ZNF618: variants seen among roughly 807,000 people sequenced by gnomAD.
The protein encoded by ZNF618 is zinc finger protein 618, also known as neural precursor cell expressed, developmentally down-regulated 10.
In ZNF618, 34 loss-of-function variants were observed where a neutral mutation model predicts 103.0. The ratio of observed to expected loss-of-function variants is 0.33; its 90% CI spans 0.25 to 0.44. ZNF618 has a LOEUF of 0.44. ZNF618 is among the 20% of genes least tolerant of loss of function. The pLI is 1.00. For missense variants in ZNF618, 1,059 were observed against 1,295.4 expected (o/e 0.82, Z 2.80); for synonymous variants, 551 against 542.2 (o/e 1.02, Z -0.23).
intron 1 of ZNF618, among the ~76,000 whole-genome samples, chr9:113,948,568 CAA>C (rs1835264829): frequency 6.6e-6 from 1 of 152,176 alleles, no homozygotes; most frequent in Non-Finnish European, 1.5e-5. Context: ...TGTTTTTAAT[CAA>C]AAGTTAGTGG....
chr9:113,994,190 G>A (rs923620621), intron 3 of ZNF618, among the ~76,000 whole-genome samples: 54 of 152,226 alleles, frequency 3.5e-4, no homozygotes, highest in African/African-American at 1.2e-3. Flanking sequence ...CAGCAGCCAG[G>A]CTATGGCGCT....
chr9:113,912,408 C>T (rs1218051985), intron 1 of ZNF618, among the ~76,000 whole-genome samples: 2 of 152,026 alleles, frequency 1.3e-5, no homozygotes, highest in Non-Finnish European at 2.9e-5. Context: ...TGGGTGGGGC[C>T]AGGGTAAGAG....
chr9:113,987,374 A>G (rs1231156606), intron 2 of ZNF618, among the ~76,000 whole-genome samples: 1 of 152,144 alleles, frequency 6.6e-6, no homozygotes, highest in African/African-American at 2.4e-5. Flanking sequence ...TGTCCCCCTC[A>G]TGAGGGACGT....
intron 11 of ZNF618, among the ~76,000 whole-genome samples, chr9:114,031,072 G>A (rs1287727754): frequency 1.1e-4 from 16 of 152,156 alleles, no homozygotes; most frequent in Admixed American, 1.0e-3. Context: ...TCCAACCCCA[G>A]TAACTTGACA....
At chr9:114,001,852 C>G in intron 4 of ZNF618, 144 bp from the exon 5 acceptor site, 1 of 733,782 alleles carries the variant, frequency 1.4e-6, no homozygotes, top group Admixed American at 2.0e-5. Context: ...CTCGTGACTT[C>G]TAGCTCGGTG....
At chr9:113,978,760 G>A (rs1432109172) in intron 2 of ZNF618, among the ~76,000 whole-genome samples, 3 of 152,192 alleles carry the variant, frequency 2.0e-5, no homozygotes, top group Non-Finnish European at 4.4e-5. Context: ...CTAGGAAGCA[G>A]GGAGACTGTG....
intron 1 of ZNF618, among the ~76,000 whole-genome samples, chr9:113,951,577 ATG>A (rs33967417): frequency 0.38 from 18,480 of 48,940 alleles, 5,650 homozygotes; most frequent in East Asian, 0.8. Flanking sequence ...GTGTGTGTAT[ATG>A]TGTGTGTGTG....
intron 1 of ZNF618, among the ~76,000 whole-genome samples, chr9:113,941,799 C>T (rs1187081119): frequency 6.6e-6 from 1 of 152,140 alleles, no homozygotes; most frequent in African/African-American, 2.4e-5. Flanking sequence ...TTAGTACTTG[C>T]ACCTTTTGTA....
chr9:114,027,327 T>G (rs1244528213), intron 10 of ZNF618, among the ~76,000 whole-genome samples: 2 of 152,146 alleles, frequency 1.3e-5, no homozygotes, highest in Non-Finnish European at 2.9e-5. Flanking sequence ...GACTGAGGCC[T>G]TGGGATTTGT....
chr9:113,998,468 G>T, intron 4 of ZNF618, 114 bp downstream of exon 4: 1 of 893,814 alleles, frequency 1.1e-6, no homozygotes, highest in Non-Finnish European at 1.7e-6. Context: ...AGCATCTCAG[G>T]GTCAAGAGGG....
At chr9:113,961,057 C>T (rs1836797740) in intron 1 of ZNF618, among the ~76,000 whole-genome samples, 1 of 152,206 alleles carries the variant, frequency 6.6e-6, no homozygotes, top group African/African-American at 2.4e-5. Flanking sequence ...CATGTCGCTC[C>T]CTGCCATCCA....
chr9:114,035,364 C>T lies in ZNF618; in HGVS notation c.1169-936C>T, dbSNP rs376617492. ...CTTGGGCTGCCCTCCCGGGCAGACC[C>T]GGCAGCTGGTGGAGGCAGGCCGAGG... is the stretch of plus-strand genomic sequence containing the variant. On this transcript the variant is annotated intron_variant, in intron 12 of 14. Coordinates refer to ENST00000374126, the MANE Select transcript of ZNF618 (RefSeq NM_001318042.2). The T allele has an allele frequency of 1.4e-4, 83 of 599,624 alleles. 3 individuals are homozygous for T. In the East Asian group the frequency reaches 6.7e-3, roughly 48 times the overall value. 37.1% of individuals were successfully genotyped at this position (599,624 alleles called of 1,614,324 possible).
At chr9:113,924,695 G>C (rs1004239459) in intron 1 of ZNF618, among the ~76,000 whole-genome samples, 1 of 151,746 alleles carries the variant, frequency 6.6e-6, no homozygotes, top group Non-Finnish European at 1.5e-5. Flanking sequence ...TGCACTTGCT[G>C]CTTCCCATAA....
chr9:114,030,540 A>C (rs1039808530), intron 11 of ZNF618, among the ~76,000 whole-genome samples: 1 of 152,212 alleles, frequency 6.6e-6, no homozygotes, highest in Admixed American at 6.5e-5. Context: ...CTGAGTAGGC[A>C]TTCAGCAAGC....
At chr9:113,975,505 C>T (rs919314987) in intron 2 of ZNF618, among the ~76,000 whole-genome samples, 3 of 152,162 alleles carry the variant, frequency 2.0e-5, no homozygotes, top group African/African-American at 7.2e-5. Context: ...CAAAATTTCA[C>T]AGCAATACAG....
intron 4 of ZNF618, among the ~76,000 whole-genome samples, chr9:114,001,384 G>T (rs1394376520): frequency 6.6e-6 from 1 of 152,120 alleles, no homozygotes; most frequent in Non-Finnish European, 1.5e-5. Context: ...AGCCTGTCTA[G>T]AGTAGGGCTG....
At chr9:114,017,028 G>C (rs1353073621) in intron 10 of ZNF618, 1 of 545,450 alleles carries the variant, frequency 1.8e-6, no homozygotes, top group Non-Finnish European at 3.2e-6. Context: ...TCAGAGTCCT[G>C]TGCCCACATG....
intron 7 of ZNF618, among the ~76,000 whole-genome samples, chr9:114,007,658 A>G (rs1841872750): frequency 6.6e-6 from 1 of 152,212 alleles, no homozygotes; most frequent in Non-Finnish European, 1.5e-5. Context: ...ACCCAAGTGA[A>G]ATTGCCATTT....
Position 114,002,638 on chromosome 9 carries a change from T to C in ZNF618, c.526T>C (p.Ser176Pro), listed in dbSNP as rs1266236253. Residue 176 changes from serine to proline, a missense_variant, in exon 6 of 15, where the codon TCA (serine) becomes CCA (proline). Ser to Pro is a moderately conservative substitution (Grantham distance 74, BLOSUM62 -1). Coordinates refer to ENST00000374126, the MANE Select transcript of ZNF618 (RefSeq NM_001318042.2). ...VRAHRDTEAT[S>P]GEGASQSNNF... is the part of the protein sequence containing the mutation. ...TCTCTTTGCAGACACCGAAGCCACC[T>C]CAGGGGAGGGAGCCTCCCAAAGCAG... 1 of 1,611,094 alleles carries C rather than the reference T, an allele frequency of 6.2e-7. No individual in the cohort carries two copies. Among genetic ancestry groups the C allele is most frequent in the East Asian group, 2.2e-5 (1 of 44,848 alleles).
Sources: gnomAD v4.1 joint callset for allele counts (sites outside exome capture counted in the v4.1 genomes callset) on GRCh38, gnomAD v4.1.1 for gene constraint, MANE v1.5 for transcripts, NCBI Gene and HGNC (gene_info 2026-07-23, HGNC 2026-07-21) for gene names.